ASAP2: variants seen among roughly 807,000 people sequenced by gnomAD.
ASAP2 encodes the protein arf-GAP with SH3 domain, ANK repeat and PH domain-containing protein 2.
In ASAP2, 45 loss-of-function variants were observed where a neutral mutation model predicts 131.4. The observed-to-expected ratio is 0.34, with a 90% CI of 0.27 to 0.44. The LOEUF (loss-of-function observed/expected upper bound fraction) is 0.44, where lower values mean the gene tolerates loss of function less well. ASAP2 is among the 20% of genes least tolerant of loss of function. The probability of loss-of-function intolerance (pLI) is 1.00; values close to 1 mark genes in which losing one functional copy is unlikely to be tolerated. For synonymous variants in ASAP2, 510 were observed against 503.0 expected (o/e 1.01, Z -0.19); for missense variants, 1,011 against 1,297.0 (o/e 0.78, Z 3.39).
At chr2:9,241,040 A>G (rs1663925376) in intron 1 of ASAP2, among the ~76,000 whole-genome samples, 1 of 152,212 alleles carries the variant, frequency 6.6e-6, no homozygotes, top group South Asian at 2.1e-4. Context: ...AAGCAATTTA[A>G]AAGTTATGAA....
chr2:9,400,444 C>T (rs1416946002), intron 25 of ASAP2, among the ~76,000 whole-genome samples: 2 of 139,578 alleles, frequency 1.4e-5, no homozygotes, highest in Non-Finnish European at 3.1e-5. Flanking sequence ...CCTCCTCCCT[C>T]CTCCCTCCTG....
Position 9,331,263 on chromosome 2 carries a change from G to A in ASAP2, c.686+3352G>A, listed in dbSNP as rs7609466. On this transcript the variant is annotated intron_variant, in intron 7 of 27. Transcript: ENST00000281419. ...GACCCTTGGAACTACGTAGATATGC[G>A]TTATTTTGCTTTTTCTTCTCGCTTT... Among the ~76,000 whole-genome samples the A allele has an allele frequency of 4.6e-3, 707 of 152,314 alleles. 8 individuals are homozygous for A. Among genetic ancestry groups the A allele is most frequent in the African/African-American group, 0.015 (643 of 41,556 alleles).
At chr2:9,334,040 T>C (rs12995750) in intron 7 of ASAP2, among the ~76,000 whole-genome samples, 1 of 4,162 alleles carries the variant, frequency 2.4e-4, no homozygotes, top group African/African-American at 4.1e-4. Context: ...GTCTTTCTCC[T>C]TTTTTTTTTT....
chr2:9,333,222 G>A (rs1203308974), intron 7 of ASAP2, among the ~76,000 whole-genome samples: 1 of 152,178 alleles, frequency 6.6e-6, no homozygotes, highest in Non-Finnish European at 1.5e-5. Context: ...GGCTAAAGTT[G>A]GTGACAGTCC....
In ASAP2 at chr2:9,207,097, C is replaced by G. The variant is rs1245078640; in HGVS notation, c.-8C>G. ...GCGGCTGTGCGCCAGCGCCCTCGCG[C>G]CGAGGCGATGCCGGACCAGATCTCC... On this transcript the variant is annotated 5_prime_UTR_variant, in exon 1 of 28. Transcript: ENST00000281419. The surrounding 1 kb of genome is among the most constrained non-coding windows in gnomAD (Gnocchi z 4.1). 6.4e-7 allele frequency: 1 copy of G among 1,573,746 alleles called. No individual in the cohort carries two copies. Among genetic ancestry groups the G allele is most frequent in the Admixed American group, 1.8e-5 (1 of 56,650 alleles).
At chr2:9,346,383 C>T (rs148804844) in intron 11 of ASAP2, among the ~76,000 whole-genome samples, 1,824 of 151,410 alleles carry the variant, frequency 0.012, 37 homozygotes, top group African/African-American at 0.042. Flanking sequence ...TTGTGGTGAG[C>T]CGATATCACG....
intron 1 of ASAP2, among the ~76,000 whole-genome samples, chr2:9,254,239 A>G (rs1433661647): frequency 2.3e-5 from 1 of 42,734 alleles, no homozygotes; most frequent in Non-Finnish European, 5.3e-5. Flanking sequence ...AAAAAAAAAT[A>G]TATATATATA....
chr2:9,278,226 C>G (rs1414551789), intron 1 of ASAP2, among the ~76,000 whole-genome samples: 2 of 152,088 alleles, frequency 1.3e-5, no homozygotes, highest in East Asian at 3.8e-4. Context: ...CTTTGCTTTT[C>G]TATGTTGTTT....
rs1677030625 is a variant in ASAP2 at position 9,404,531 on chromosome 2, A to T, written c.*1204A>T. ...GTCATACCTCTATTTAGTAATTGCG[A>T]GGGTAAGATTCATAGTAGGAATATT... On this transcript the variant is annotated 3_prime_UTR_variant, in exon 28 of 28. Transcript: ENST00000281419. The T allele has an allele frequency of 6.6e-6, 1 of 152,346 alleles. No individual in the cohort carries two copies. The highest frequency in any genetic ancestry group is 1.5e-5 in the Non-Finnish European group (1 of 68,040). 9.4% of individuals were successfully genotyped at this position (152,346 alleles called of 1,614,324 possible).
intron 12 of ASAP2, among the ~76,000 whole-genome samples, chr2:9,352,093 T>C (rs995381920): frequency 2.0e-5 from 3 of 152,126 alleles, no homozygotes; most frequent in African/African-American, 7.2e-5. Context: ...CCAGGTGTGG[T>C]GGTGTGATCC....
At chr2:9,373,912 C>T (rs2148711986) in intron 16 of ASAP2, among the ~76,000 whole-genome samples, 1 of 152,356 alleles carries the variant, frequency 6.6e-6, no homozygotes, top group Non-Finnish European at 1.5e-5. Flanking sequence ...TGTAAGTTCA[C>T]TGGGTCTTTC....
chr2:9,271,469 A>G lies in ASAP2; in HGVS notation c.127-7848A>G, dbSNP rs1217287188. The G allele has an allele frequency of 4.6e-5, 64 of 1,396,014 alleles. 1 individual carries two copies. The highest frequency in any genetic ancestry group is 2.9e-4 in the South Asian group (25 of 86,170). 86.5% of individuals were successfully genotyped at this position (1,396,014 alleles called of 1,614,324 possible). A position where few individuals can be genotyped will look rare whatever the true frequency, so the allele number is the denominator to read the frequency against. ...GCCTTCACTGGTTTCTTTTTGGTGT[A>G]ATCATCAGCGATCCCTTGGACAGTA... On this transcript the variant is annotated intron_variant, in intron 1 of 27. Transcript: ENST00000281419.
At chr2:9,332,213 G>A (rs2148550670) in intron 7 of ASAP2, among the ~76,000 whole-genome samples, 1 of 152,270 alleles carries the variant, frequency 6.6e-6, no homozygotes, top group Non-Finnish European at 1.5e-5. Context: ...GCTTGGAAAA[G>A]TGTTAATGGG....
intron 2 of ASAP2, among the ~76,000 whole-genome samples, chr2:9,280,955 C>A (rs1165243619): frequency 6.6e-6 from 1 of 152,182 alleles, no homozygotes; most frequent in Non-Finnish European, 1.5e-5. Flanking sequence ...GGAGCTCAGA[C>A]CCTGATGGTC....
chr2:9,233,689 T>C (rs1663330287), intron 1 of ASAP2, among the ~76,000 whole-genome samples: 1 of 152,246 alleles, frequency 6.6e-6, no homozygotes, highest in South Asian at 2.1e-4. Context: ...ATTTACTCAT[T>C]TGTGTTTAAC....
Position 9,278,229 on chromosome 2 carries a change from T to G in ASAP2, c.127-1088T>G, listed in dbSNP as rs1184040980. On this transcript the variant is annotated intron_variant, in intron 1 of 27. Coordinates refer to ENST00000281419, the MANE Select transcript of ASAP2 (RefSeq NM_003887.3). ...TCACAAGTCACCCTTTGCTTTTCTA[T>G]GTTGTTTAAGTGGGTTAAAAGGACT... 4.6e-5 allele frequency among the ~76,000 whole-genome samples: 7 copies of G among 152,250 alleles called. No individual in the cohort carries two copies. In the South Asian group the frequency reaches 1.5e-3, roughly 32 times the overall value.
intron 11 of ASAP2, among the ~76,000 whole-genome samples, chr2:9,345,160 C>T (rs528018212): frequency 5.9e-5 from 9 of 152,182 alleles, no homozygotes; most frequent in African/African-American, 2.2e-4. Flanking sequence ...AACTGCTCCC[C>T]CAGCTCTCTT....
intron 1 of ASAP2, among the ~76,000 whole-genome samples, chr2:9,277,114 T>C (rs2148294980): frequency 6.6e-6 from 1 of 152,340 alleles, no homozygotes; most frequent in South Asian, 2.1e-4. Flanking sequence ...TCAAATGTGC[T>C]TTTCAAGAAT....
chr2:9,353,219 G>A (rs537326099), intron 12 of ASAP2, among the ~76,000 whole-genome samples: 1 of 151,736 alleles, frequency 6.6e-6, no homozygotes, highest in African/African-American at 2.4e-5. Context: ...TTCCTCACCA[G>A]CCTCATGGGA....
Sources: allele counts gnomAD v4.1 joint callset (sites outside exome capture counted in the v4.1 genomes callset), GRCh38; gene constraint gnomAD v4.1.1; non-coding constraint Gnocchi (gnomAD v3.1); transcripts MANE v1.5; gene names NCBI Gene and HGNC (gene_info 2026-07-23, HGNC 2026-07-21).